ARHGEF33: variants seen among roughly 807,000 people sequenced by gnomAD.
ARHGEF33 encodes DH and coiled-coil domain-containing protein ENSP00000381780.
In ARHGEF33, 72 loss-of-function variants were observed where a neutral mutation model predicts 101.9. The ratio of observed to expected loss-of-function variants is 0.71; its 90% confidence interval spans 0.58 to 0.86. ARHGEF33 has a LOEUF of 0.86. ARHGEF33 is among the 40% of genes least tolerant of loss of function. The probability of loss-of-function intolerance (pLI) is 0.00; values close to 1 mark genes in which losing one functional copy is unlikely to be tolerated. For missense variants in ARHGEF33, 1,169 were observed against 1,111.3 expected (o/e 1.05, Z -0.74); for synonymous variants, 499 against 442.5 (o/e 1.13, Z -1.60).
At chr2:38,959,013 T>C (rs1667845547) in intron 15 of ARHGEF33, among the ~76,000 whole-genome samples, 3 of 152,250 alleles carry the variant, frequency 2.0e-5, no homozygotes, top group South Asian at 2.1e-4. Context: ...CCGAAGTCTT[T>C]ATGCATTTTT....
At chr2:38,923,348 A>G (rs528470434) in intron 4 of ARHGEF33, among the ~76,000 whole-genome samples, 204 of 152,208 alleles carry the variant, frequency 1.3e-3, no homozygotes, top group Admixed American at 2.9e-3. Flanking sequence ...AAGAAGAGAA[A>G]GAGAAAGGAG....
chr2:38,960,298 G>C lies in ARHGEF33; in HGVS notation c.1993G>C (p.Glu665Gln), dbSNP rs934399847. The C allele has an allele frequency of 9.1e-6, 14 of 1,545,690 alleles. No individual in the cohort carries two copies. The African/African-American group carries it at 1.9e-4, about 21-fold the overall frequency. The change falls in exon 16 of 18, where the codon GAG becomes CAG. Residue 665 changes from glutamate to glutamine, a missense_variant. Transcript: ENST00000409978. ...CCTGCGGCCCGTCAGCTTCGCCATGGAGGCCGAGCGGCCGGAGCACCCGCT... is the reference window on the plus strand; with the variant it reads ...CCTGCGGCCCGTCAGCTTCGCCATGCAGGCCGAGCGGCCGGAGCACCCGCT... ...CFLRPVSFAM[E>Q]AERPEHPLQP...
chr2:38,906,235 A>G (rs750034999), intron 2 of ARHGEF33, among the ~76,000 whole-genome samples: 1 of 151,754 alleles, frequency 6.6e-6, no homozygotes, highest in Admixed American at 6.6e-5. Flanking sequence ...CAGGATTGCT[A>G]TCTAACTATC....
chr2:38,952,316 T>C (rs2124414207), intron 11 of ARHGEF33, among the ~76,000 whole-genome samples: 1 of 152,374 alleles, frequency 6.6e-6, no homozygotes, highest in Admixed American at 6.5e-5. Context: ...TCACTTGTGT[T>C]CAGTATGCTT....
intron 10 of ARHGEF33, among the ~76,000 whole-genome samples, chr2:38,948,858 T>G (rs1667517528): frequency 6.6e-6 from 1 of 152,162 alleles, no homozygotes; most frequent in African/African-American, 2.4e-5. Flanking sequence ...TATGGTCTTC[T>G]CCCAGTCAGT....
intron 10 of ARHGEF33, among the ~76,000 whole-genome samples, chr2:38,945,069 A>C (rs1242443806): frequency 1.3e-5 from 2 of 152,238 alleles, no homozygotes; most frequent in Non-Finnish European, 2.9e-5. Flanking sequence ...TAATGAATAT[A>C]TAATAATCCA....
intron 2 of ARHGEF33, among the ~76,000 whole-genome samples, chr2:38,897,203 C>G (rs1262713739): frequency 6.6e-6 from 1 of 152,136 alleles, no homozygotes; most frequent in African/African-American, 2.4e-5. Flanking sequence ...CGTGAGCCAC[C>G]ACACCCAGCC....
intron 2 of ARHGEF33, among the ~76,000 whole-genome samples, chr2:38,911,123 A>T (rs563436774): frequency 2.0e-5 from 3 of 152,324 alleles, no homozygotes; most frequent in Non-Finnish European, 4.4e-5. Context: ...CTGTCACAAA[A>T]TAATGTTGCT....
chr2:38,975,352 G>A lies in ARHGEF33; in HGVS notation c.*1509G>A, dbSNP rs918935862. On this transcript the variant is annotated 3_prime_UTR_variant, in exon 18 of 18. Coordinates refer to ENST00000409978, the MANE Select transcript of ARHGEF33 (RefSeq NM_001145451.5). ...TGAAATTAGATTTTTCTCTTATTATGTGGCCGGCAGTGCTTGCAAGCACAA... is the reference window on the plus strand; with the variant it reads ...TGAAATTAGATTTTTCTCTTATTATATGGCCGGCAGTGCTTGCAAGCACAA... 2.0e-5 allele frequency: 3 copies of A among 152,306 alleles called. No homozygotes were observed. In the East Asian group the frequency reaches 5.8e-4, roughly 29 times the overall value. The allele number at this position is 152,306 out of a possible 1,614,324, so 9.4% of individuals were successfully genotyped here.
At chr2:38,938,102 T>A (rs1667196852) in intron 9 of ARHGEF33, among the ~76,000 whole-genome samples, 1 of 152,256 alleles carries the variant, frequency 6.6e-6, no homozygotes, top group South Asian at 2.1e-4. Flanking sequence ...AGGTTTGTTA[T>A]GAAGAAGAGC....
At chr2:38,942,403 G>T (rs1667335496) in intron 9 of ARHGEF33, among the ~76,000 whole-genome samples, 1 of 149,596 alleles carries the variant, frequency 6.7e-6, no homozygotes, top group Non-Finnish European at 1.5e-5. Flanking sequence ...CTTCTGATCT[G>T]CCCACCTCGA....
At chr2:38,915,525 A>G (rs1331556473) in intron 2 of ARHGEF33, among the ~76,000 whole-genome samples, 1 of 151,046 alleles carries the variant, frequency 6.6e-6, no homozygotes, top group Non-Finnish European at 1.5e-5. Context: ...GGCGTGTGCC[A>G]CCAAACCTGG....
At chr2:38,927,261 A>G (rs1666894943) in intron 4 of ARHGEF33, among the ~76,000 whole-genome samples, 1 of 152,218 alleles carries the variant, frequency 6.6e-6, no homozygotes, top group African/African-American at 2.4e-5. Flanking sequence ...GATATAGGAG[A>G]CAAAGTCACT....
chr2:38,916,266 C>A (rs79580193), intron 2 of ARHGEF33, among the ~76,000 whole-genome samples: 8,056 of 152,180 alleles, frequency 0.053, 251 homozygotes, highest in Middle Eastern at 0.061. Context: ...TTTCTTCCCC[C>A]AAATAGTAAC....
chr2:38,971,431 G>A (rs1490142888), intron 17 of ARHGEF33, among the ~76,000 whole-genome samples: 1 of 152,140 alleles, frequency 6.6e-6, no homozygotes, highest in Admixed American at 6.5e-5. Flanking sequence ...AGTCGGCCAC[G>A]GTGGCTCCAG....
At chr2:38,892,618 T>C (rs1307028703) in intron 1 of ARHGEF33, among the ~76,000 whole-genome samples, 2 of 152,218 alleles carry the variant, frequency 1.3e-5, no homozygotes, top group Non-Finnish European at 2.9e-5. Context: ...TCTGCTAAAA[T>C]TGTAGAACCA....
intron 17 of ARHGEF33, among the ~76,000 whole-genome samples, chr2:38,967,646 G>T (rs1454511174): frequency 6.6e-6 from 1 of 151,998 alleles, no homozygotes; most frequent in Non-Finnish European, 1.5e-5. Flanking sequence ...CGCAATCTCG[G>T]TTCACTGCAG....
intron 9 of ARHGEF33, among the ~76,000 whole-genome samples, chr2:38,943,443 C>G (rs1337391608): frequency 1.3e-5 from 2 of 152,206 alleles, no homozygotes; most frequent in African/African-American, 4.8e-5. Context: ...CTGAACTCTA[C>G]TATGTCTAAA....
At chr2:38,898,009 G>A (rs1666159450) in intron 2 of ARHGEF33, among the ~76,000 whole-genome samples, 1 of 152,196 alleles carries the variant, frequency 6.6e-6, no homozygotes, top group African/African-American at 2.4e-5. Flanking sequence ...TGGTCCGTTG[G>A]GTTAGGACAT....
Sources: allele counts gnomAD v4.1 joint callset (sites outside exome capture counted in the v4.1 genomes callset), GRCh38; gene constraint gnomAD v4.1.1; transcripts MANE v1.5; gene names NCBI Gene and HGNC (gene_info 2026-07-23, HGNC 2026-07-21).